TAOK3: variants seen among roughly 807,000 people sequenced by gnomAD.
TAOK3 encodes TAO kinase 3.
A neutral mutation model predicts 120.4 loss-of-function variants in TAOK3; 40 were observed. The observed-to-expected ratio is 0.33, with a 90% CI of 0.26 to 0.43. The LOEUF (loss-of-function observed/expected upper bound fraction) is 0.43. TAOK3 is among the 20% of genes least tolerant of loss of function. TAOK3 has a pLI of 1.00. For missense variants in TAOK3, 821 were observed against 1,112.1 expected (o/e 0.74, Z 3.72); for synonymous variants, 355 against 387.5 (o/e 0.92, Z 0.99).
intron 5 of TAOK3, among the ~76,000 whole-genome samples, chr12:118,241,865 C>G (rs899096376): frequency 6.6e-6 from 1 of 152,062 alleles, no homozygotes; most frequent in African/African-American, 2.4e-5. Flanking sequence ...AATTCCAGCA[C>G]TTTGGGAGGC....
intron 10 of TAOK3, among the ~76,000 whole-genome samples, chr12:118,213,374 C>G (rs966530889): frequency 6.6e-6 from 1 of 152,068 alleles, no homozygotes; most frequent in Non-Finnish European, 1.5e-5. Context: ...CTCTACCACC[C>G]ACAATCTATA....
intron 1 of TAOK3, among the ~76,000 whole-genome samples, chr12:118,354,315 C>T (rs961733397): frequency 4.6e-5 from 7 of 152,160 alleles, no homozygotes; most frequent in African/African-American, 1.7e-4. Context: ...AACAGTCAAT[C>T]TGATAACCAA....
At chr12:118,269,383 C>CTTTTTTTTT (rs1174725563) in intron 1 of TAOK3, among the ~76,000 whole-genome samples, 27 of 103,876 alleles carry the variant, frequency 2.6e-4, no homozygotes, top group Non-Finnish European at 2.8e-4. Flanking sequence ...TCTCTCTCTT[C>CTTTTTTTTT]TTTTTTTTTT....
intron 1 of TAOK3, among the ~76,000 whole-genome samples, chr12:118,332,445 C>G (rs998345990): frequency 9.9e-5 from 15 of 152,132 alleles, no homozygotes; most frequent in Non-Finnish European, 1.9e-4. Flanking sequence ...AAAGAATTCA[C>G]TGTTTTCTAA....
At chr12:118,296,295 C>A (rs1222853292) in intron 1 of TAOK3, among the ~76,000 whole-genome samples, 4 of 152,080 alleles carry the variant, frequency 2.6e-5, no homozygotes, top group Non-Finnish European at 5.9e-5. Flanking sequence ...CCACGCCCAG[C>A]TAATTTTTTT....
intron 14 of TAOK3, among the ~76,000 whole-genome samples, chr12:118,182,597 G>GTATATATATATATATATATA (rs1291003929): frequency 1.3e-5 from 1 of 77,510 alleles, no homozygotes; most frequent in African/African-American, 4.6e-5. Flanking sequence ...GTGTGTGTGT[G>GTATATATATATATATATATA]TGTATATATA....
At chr12:118,152,139 T>C (rs2034491722) in intron 20 of TAOK3, 88 bp downstream of exon 20, 2 of 1,287,724 alleles carry the variant, frequency 1.6e-6, no homozygotes, top group Admixed American at 2.1e-5. Flanking sequence ...GTTTAATCTC[T>C]AACTAAGGAA....
chr12:118,284,018 C>T (rs2042181521), intron 1 of TAOK3, among the ~76,000 whole-genome samples: 1 of 151,884 alleles, frequency 6.6e-6, no homozygotes, highest in Admixed American at 6.6e-5. Flanking sequence ...CTGTAGTTGC[C>T]TGGAGTAACA....
At chr12:118,267,884 CAA>C (rs60331520) in intron 1 of TAOK3, among the ~76,000 whole-genome samples, 12,492 of 78,392 alleles carry the variant, frequency 0.16, 558 homozygotes, top group Middle Eastern at 0.24. Flanking sequence ...GACTCCATCT[CAA>C]AAAAAAAAAA....
chr12:118,230,079 T>C (rs1312321766), intron 9 of TAOK3, among the ~76,000 whole-genome samples: 1 of 152,212 alleles, frequency 6.6e-6, no homozygotes, highest in Non-Finnish European at 1.5e-5. Context: ...AACTGAGGCA[T>C]TGGGGGGCTT....
At chr12:118,290,259 C>G (rs2042425320) in intron 1 of TAOK3, among the ~76,000 whole-genome samples, 1 of 152,102 alleles carries the variant, frequency 6.6e-6, no homozygotes, top group Non-Finnish European at 1.5e-5. Context: ...TGGATCTTGT[C>G]CTTAGTAACT....
rs111896659 is a variant in TAOK3 at position 118,316,421 on chromosome 12, A to AT, written c.-193-49663dup. 8.5e-3 allele frequency among the ~76,000 whole-genome samples: 1,275 copies of AT among 149,374 alleles called. 19 individuals are homozygous for AT. Among genetic ancestry groups the AT allele is most frequent in the African/African-American group, 0.03 (1,226 of 40,734 alleles). On this transcript the variant is annotated intron_variant, in intron 1 of 20. Transcript: ENST00000392533. ...AAAAATATTTTGCCTCAAGGACATC[A>AT]TTTTTTTTTTACTCTCTCTTAGAGG...
intron 2 of TAOK3, 145 bp from the exon 3 acceptor site, chr12:118,255,800 T>C (rs992130969): frequency 7.4e-6 from 3 of 403,498 alleles, no homozygotes; most frequent in East Asian, 4.6e-5. Flanking sequence ...AATGGACATA[T>C]GGCCGGGCGC....
chr12:118,165,701 G>C (rs2035536119), intron 17 of TAOK3, among the ~76,000 whole-genome samples: 1 of 152,186 alleles, frequency 6.6e-6, no homozygotes, highest in Non-Finnish European at 1.5e-5. Context: ...GAGGATAGCA[G>C]TACACATTGT....
At chr12:118,309,558 C>G (rs549407191) in intron 1 of TAOK3, among the ~76,000 whole-genome samples, 94 of 151,896 alleles carry the variant, frequency 6.2e-4, no homozygotes, top group Non-Finnish European at 1.2e-3. Flanking sequence ...TCTTATCCCC[C>G]AGGCTGGAGT....
intron 1 of TAOK3, among the ~76,000 whole-genome samples, chr12:118,370,837 C>T (rs1431533331): frequency 6.6e-6 from 1 of 152,106 alleles, no homozygotes; most frequent in East Asian, 1.9e-4. Flanking sequence ...TTAATAGATA[C>T]ACTTGCCTCC....
chr12:118,253,968 G>A (rs1034179038), intron 3 of TAOK3, among the ~76,000 whole-genome samples: 1 of 151,752 alleles, frequency 6.6e-6, no homozygotes, highest in Non-Finnish European at 1.5e-5. Context: ...AGAATTGCTT[G>A]AACTGGGATC....
chr12:118,282,991 C>A (rs967005373), intron 1 of TAOK3, among the ~76,000 whole-genome samples: 1 of 152,216 alleles, frequency 6.6e-6, no homozygotes, highest in Non-Finnish European at 1.5e-5. Flanking sequence ...GATCAAGAGC[C>A]ACAGCACAGC....
At position 118,161,207 on chromosome 12, in the gene TAOK3, C is replaced by T. The variant is rs2035198052; in HGVS notation, c.2139+581G>A. ...TGACAACGTCCTCCCGGATATATAGCAATGGCTTAGTACACAGAGCTTGTT... is the reference window on the plus strand; with the variant it reads ...TGACAACGTCCTCCCGGATATATAGTAATGGCTTAGTACACAGAGCTTGTT... On this transcript the variant is annotated intron_variant, in intron 18 of 20. Coordinates refer to ENST00000392533, the MANE Select transcript of TAOK3 (RefSeq NM_016281.4). This position sits in a 1 kb window ranked among gnomAD's most constrained non-coding sequence, Gnocchi z 4.5. Among the ~76,000 whole-genome samples the T allele has an allele frequency of 6.6e-6, 1 of 152,220 alleles. No homozygotes were observed. Among genetic ancestry groups the T allele is most frequent in the Admixed American group, 6.5e-5 (1 of 15,278 alleles).
Sources: allele counts gnomAD v4.1 joint callset (sites outside exome capture counted in the v4.1 genomes callset), GRCh38; gene constraint gnomAD v4.1.1; non-coding constraint Gnocchi (gnomAD v3.1); transcripts MANE v1.5; gene names NCBI Gene and HGNC (gene_info 2026-07-23, HGNC 2026-07-21).